The following TUBE1 variants were observed in gnomAD, a reference collection of about 807,000 sequenced individuals.
TUBE1 encodes tubulin epsilon 1, also known as tubulin epsilon chain.
In TUBE1, 34 loss-of-function variants were observed where a neutral mutation model predicts 53.5. The observed-to-expected ratio is 0.64, with a 90% CI of 0.48 to 0.85. TUBE1 has a LOEUF of 0.85. Among genes scored for constraint, TUBE1 ranks in the 40% least tolerant of loss-of-function variants. TUBE1 has a pLI of 0.00. For synonymous variants in TUBE1, 177 were observed against 198.4 expected (o/e 0.89, Z 0.91); for missense variants, 532 against 570.5 (o/e 0.93, Z 0.69).
intron 5 of TUBE1, 97 bp from the exon 6 acceptor site, chr6:112,079,851 A>C: frequency 8.1e-7 from 1 of 1,238,948 alleles, no homozygotes; most frequent in Non-Finnish European, 1.1e-6. Context: ...AAATTTGAAA[A>C]GTATTCTTAT....
chr6:112,076,066 C>T lies in TUBE1; in HGVS notation c.683G>A (p.Gly228Glu), dbSNP rs145738910. ...ISKIDLMVNS[G>E]KLGTTVKPKS... The stretch of plus-strand genomic sequence containing the variant: ...TGGCTTCACAGTTGTACCCAACTTT[C>T]CAGAATTCACCATGAGGTCGATTTT... Residue 228 changes from glycine (G) to glutamate (E), a missense_variant, in exon 8 of 12, where the codon GGA becomes GAA. By Grantham distance (98) the Gly-to-Glu change is moderately conservative (BLOSUM62 -2). Coordinates refer to ENST00000368662, the MANE Select transcript of TUBE1 (RefSeq NM_016262.5). The T allele has an allele frequency of 6.4e-5, 103 of 1,613,428 alleles. No individual in the cohort carries two copies. Among genetic ancestry groups the T allele is most frequent in the African/African-American group, 5.7e-4 (43 of 74,976 alleles).
intron 10 of TUBE1, 131 bp from the exon 11 acceptor site, chr6:112,072,207 CTAAGT>C (rs1776880792): frequency 1.6e-6 from 1 of 617,184 alleles, no homozygotes; most frequent in Non-Finnish European, 2.6e-6. Context: ...AGTTTAGACG[CTAAGT>C]TATCTATTTT....
In TUBE1 at chr6:112,072,755, A is replaced by C; in HGVS notation, c.1094+3T>G. The C allele has an allele frequency of 6.2e-7, 1 of 1,612,302 alleles. No individual in the cohort carries two copies. The highest frequency in any genetic ancestry group is 1.1e-5 in the South Asian group (1 of 90,972). On this transcript the variant is annotated splice_donor_region_variant and intron_variant, in intron 10 of 11. Transcript: ENST00000368662. ...AAATTATCTTTAAAAATATAAACCAAACCTTTCAATATTTCTACGAAGATC... is the reference window on the plus strand; with the variant it reads ...AAATTATCTTTAAAAATATAAACCACACCTTTCAATATTTCTACGAAGATC...
In TUBE1 at chr6:112,071,492, G is replaced by A. The variant is rs782660398; in HGVS notation, c.1348C>T (p.Leu450Phe). The A allele has an allele frequency of 2.2e-5, 35 of 1,612,592 alleles. No individual in the cohort carries two copies. Among genetic ancestry groups the A allele is most frequent in the Non-Finnish European group, 2.9e-5 (34 of 1,179,196 alleles). The change falls in exon 12 of 12, where the codon CTC (leucine) becomes TTC (phenylalanine). Residue 450 changes from leucine (L) to phenylalanine (F), a missense_variant. Physicochemically the swap from Leu to Phe is conservative, Grantham distance 22 (BLOSUM62 0). Transcript: ENST00000368662. ...FTEAVSSLSA[L>F]IQEYDQLDAT... ...TCCAGTTGGTCATATTCCTGTATGAGTGCTGATAAAGATGACACAGCTTCT... is the reference window on the plus strand; with the variant it reads ...TCCAGTTGGTCATATTCCTGTATGAATGCTGATAAAGATGACACAGCTTCT...
intron 5 of TUBE1, among the ~76,000 whole-genome samples, chr6:112,080,670 A>G (rs1777055309): frequency 1.3e-5 from 2 of 152,080 alleles, no homozygotes; most frequent in Non-Finnish European, 1.5e-5. Context: ...AGACCATTAT[A>G]TACTCAAGGG....
chr6:112,080,877 A>G (rs1393342779), intron 5 of TUBE1, among the ~76,000 whole-genome samples: 1 of 152,120 alleles, frequency 6.6e-6, no homozygotes, highest in Non-Finnish European at 1.5e-5. Flanking sequence ...TAGCAAATTA[A>G]TTTTTCATAA....
Position 112,074,719 on chromosome 6 carries a change from G to A in TUBE1, c.944C>T (p.Pro315Leu). Residue 315 changes from proline to leucine, a missense_variant, in exon 9 of 12, where the codon CCT becomes CTT. Pro to Leu is a moderately conservative substitution (Grantham distance 98). Transcript: ENST00000368662. ...PLYTLTDVNI[P>L]PRRLDQMFSD... ...CAAAGTTACACCTTACCTTCTAGGA[G>A]GAATGTTAACATCTGTCAGTGTATA... is the stretch of plus-strand genomic sequence containing the variant. The A allele has an allele frequency of 1.3e-6, 2 of 1,528,506 alleles. No individual in the cohort carries two copies. The highest frequency in any genetic ancestry group is 1.8e-6 in the Non-Finnish European group (2 of 1,140,510). The allele number at this position is 1,528,506 out of a possible 1,614,324, so 94.7% of individuals were successfully genotyped here. A position where few individuals can be genotyped will look rare whatever the true frequency, so the allele number is the denominator to read the frequency against.
At chr6:112,084,077 T>C (rs1338023017) in intron 4 of TUBE1, 112 bp downstream of exon 4, 2 of 790,386 alleles carry the variant, frequency 2.5e-6, no homozygotes, top group Admixed American at 2.5e-5. Flanking sequence ...AAATGTGGCT[T>C]AGTAATTTTT....
intron 10 of TUBE1, 22 bp downstream of exon 10, chr6:112,072,736 T>C: frequency 1.2e-6 from 2 of 1,609,940 alleles, no homozygotes. Context: ...ACACAAATTA[T>C]CTTTAAAAAT....
At chr6:112,082,416 G>A (rs1268482654) in intron 4 of TUBE1, among the ~76,000 whole-genome samples, 1 of 152,144 alleles carries the variant, frequency 6.6e-6, no homozygotes, top group Non-Finnish European at 1.5e-5. Context: ...AAGCAAATTG[G>A]ATTATACTGG....
intron 10 of TUBE1, 75 bp from the exon 11 acceptor site, chr6:112,072,151 T>A: frequency 8.6e-7 from 1 of 1,164,358 alleles, no homozygotes; most frequent in Non-Finnish European, 1.2e-6. Context: ...TGGCAGCTCA[T>A]ATTAGTTAAA....
chr6:112,086,562 T>C lies in TUBE1; in HGVS notation c.146A>G (p.Asp49Gly), dbSNP rs782625604. The change falls in exon 3 of 12, where the codon GAC (aspartate) becomes GGC (glycine). Residue 49 changes from aspartate (D) to glycine (G), a missense_variant. Physicochemically the swap from Asp to Gly is moderately conservative, Grantham distance 94. Transcript: ENST00000368662. The part of the protein sequence containing the change: ...EAISSFFRNV[D>G]TRVVGDGGSI... ...GACTTTAATCCCATCTTACCTGGTG[T>C]CCACATTTCTAAAGAAGCTGCTTAT... 1 of 1,612,720 alleles carries C rather than the reference T, an allele frequency of 6.2e-7. No homozygotes were observed.
chr6:112,085,900 C>T (rs587669793), intron 3 of TUBE1, among the ~76,000 whole-genome samples: 26 of 152,290 alleles, frequency 1.7e-4, no homozygotes, highest in African/African-American at 5.8e-4. Flanking sequence ...ACCCAGGAAG[C>T]GCGGACTAAT....
chr6:112,072,949 G>T, intron 9 of TUBE1, 51 bp from the exon 10 acceptor site: 1 of 1,577,768 alleles, frequency 6.3e-7, no homozygotes, highest in Non-Finnish European at 8.7e-7. Flanking sequence ...TTCTTTCTAT[G>T]TATAACTATA....
chr6:112,086,764 C>G (rs1195534522), intron 2 of TUBE1, 156 bp from the exon 3 acceptor site: 6 of 592,006 alleles, frequency 1.0e-5, no homozygotes, highest in Non-Finnish European at 1.8e-5. Context: ...TCTTCCCAAT[C>G]TCCTTAGAAG....
At chr6:112,086,417 T>G (rs1777157803) in intron 3 of TUBE1, 139 bp downstream of exon 3, 4 of 506,182 alleles carry the variant, frequency 7.9e-6, no homozygotes, top group Admixed American at 3.9e-5. Flanking sequence ...AATAATCTAA[T>G]AGAATAAATA....
rs782512772 is a variant in TUBE1, at chr6:112,072,770, C to T, written c.1082G>A (p.Arg361Lys). ...RGNVQISDLR[R>K]NIERLKPSLQ... is the part of the protein sequence containing the mutation. The stretch of plus-strand genomic sequence containing the variant: ...ATATAAACCAAACCTTTCAATATTT[C>T]TACGAAGATCTGAAATTTGTACATT... The change falls in exon 10 of 12, where the codon AGA becomes AAA. Residue 361 changes from arginine (R) to lysine (K), a missense_variant. Transcript: ENST00000368662. 1.2e-5 allele frequency: 20 copies of T among 1,612,860 alleles called. No individual in the cohort carries two copies. In the Admixed American group the frequency reaches 3.3e-4, roughly 27 times the overall value.
intron 4 of TUBE1, among the ~76,000 whole-genome samples, chr6:112,083,301 T>C (rs1554316959): frequency 6.6e-6 from 1 of 151,268 alleles, no homozygotes; most frequent in African/African-American, 2.4e-5. Context: ...ATCCTTGGCA[T>C]CTCAATTCCT....
intron 5 of TUBE1, 55 bp downstream of exon 5, chr6:112,081,033 GAAGA>G: frequency 9.2e-7 from 1 of 1,091,666 alleles, no homozygotes; most frequent in Non-Finnish European, 1.4e-6. Flanking sequence ...ATCTCACAAT[GAAGA>G]AAGATTGCTC....
Sources: allele counts gnomAD v4.1 joint callset (sites outside exome capture counted in the v4.1 genomes callset), GRCh38; gene constraint gnomAD v4.1.1; transcripts MANE v1.5; gene names NCBI Gene and HGNC (gene_info 2026-07-23, HGNC 2026-07-21).